NCOA2: variants seen among roughly 807,000 people sequenced by gnomAD.
NCOA2 encodes the protein nuclear receptor coactivator 2, also known as class E basic helix-loop-helix protein 75.
Under a neutral mutation model 145.1 loss-of-function variants are expected in NCOA2, and 21 were observed. That is an observed-to-expected ratio of 0.14 (90% confidence interval 0.10 to 0.21). NCOA2 has a LOEUF of 0.21. Among genes scored for constraint, NCOA2 ranks in the 10% least tolerant of loss-of-function variants. The probability of loss-of-function intolerance (pLI) is 1.00; values close to 1 mark genes in which losing one functional copy is unlikely to be tolerated. For missense variants in NCOA2, 1,472 were observed against 1,837.6 expected, an observed-to-expected ratio of 0.80 and a Z score of 3.64; for synonymous variants, 619 against 637.5, an observed-to-expected ratio of 0.97 and a Z score of 0.44.
At chr8:70,175,868 A>G (rs927755168) in intron 4 of NCOA2, among the ~76,000 whole-genome samples, 2 of 148,894 alleles carry the variant, frequency 1.3e-5, no homozygotes, top group African/African-American at 4.9e-5. Context: ...AACCTTAATA[A>G]TTTTTTTTTT....
At chr8:70,174,559 T>G (rs969810735) in intron 5 of NCOA2, among the ~76,000 whole-genome samples, 197 bp downstream of exon 5, 2 of 152,226 alleles carry the variant, frequency 1.3e-5, no homozygotes, top group African/African-American at 4.8e-5. Context: ...AATTCTATGT[T>G]AATTTCAAAC....
chr8:70,445,751 A>G, the NCOA2 span, among the ~76,000 whole-genome samples: 1 of 152,202 alleles, frequency 6.6e-6, no homozygotes, highest in African/African-American at 2.4e-5. Context: ...TGCCACTGGA[A>G]GACTTTTGTG....
At chr8:70,271,543 A>C (rs1318719018) in intron 2 of NCOA2, among the ~76,000 whole-genome samples, 2 of 152,230 alleles carry the variant, frequency 1.3e-5, no homozygotes, top group Non-Finnish European at 2.9e-5. Flanking sequence ...GTTGTAAATT[A>C]CTGAAAGTTG....
rs372840372 is a variant in NCOA2, at chr8:70,127,592, G to A, written c.3682-545C>T. 9.1e-4 allele frequency among the ~76,000 whole-genome samples: 139 copies of A among 152,218 alleles called. 4 individuals are homozygous for A. The South Asian group carries it at 0.028, about 31-fold the overall frequency. The stretch of plus-strand genomic sequence containing the variant: ...GGGAGGAAAGGCAGGATGGATGAAG[G>A]GAAGGGATCCCAGTGCTTGCTGTCA... On this transcript the variant is annotated intron_variant, in intron 18 of 22. Transcript: ENST00000452400.
At chr8:70,291,776 C>T (rs1202910888) in intron 2 of NCOA2, among the ~76,000 whole-genome samples, 3 of 152,130 alleles carry the variant, frequency 2.0e-5, no homozygotes, top group African/African-American at 4.8e-5. Flanking sequence ...CTGCTTTAAC[C>T]TCGATTCACA....
the NCOA2 span, among the ~76,000 whole-genome samples, chr8:70,447,581 G>GT: frequency 8.2e-5 from 12 of 145,752 alleles, no homozygotes; most frequent in African/African-American, 7.6e-5. Flanking sequence ...TTTGAGACAA[G>GT]TTTTTTTTTT....
intron 1 of NCOA2, among the ~76,000 whole-genome samples, chr8:70,369,580 A>G (rs1333463144): frequency 6.6e-6 from 1 of 152,198 alleles, no homozygotes; most frequent in African/African-American, 2.4e-5. Context: ...TTAAAGATAG[A>G]GCAGAAGGCA....
the NCOA2 span, among the ~76,000 whole-genome samples, chr8:70,448,951 C>T: frequency 6.6e-6 from 1 of 151,784 alleles, no homozygotes; most frequent in Non-Finnish European, 1.5e-5. Context: ...ACACAGGTGC[C>T]GCACCACCAT....
chr8:70,239,026 A>G (rs532721059), intron 2 of NCOA2, among the ~76,000 whole-genome samples: 57 of 152,204 alleles, frequency 3.7e-4, no homozygotes, highest in African/African-American at 1.3e-3. Context: ...TGCTCACATT[A>G]ACCTCTGTAT....
chr8:70,354,404 CAT>C (rs1362747766), intron 1 of NCOA2, among the ~76,000 whole-genome samples: 7 of 152,308 alleles, frequency 4.6e-5, no homozygotes, highest in African/African-American at 1.4e-4. Flanking sequence ...CACCTTCTCA[CAT>C]GATTCCCCCG....
At chr8:70,191,060 C>CTT (rs1816623942) in intron 4 of NCOA2, among the ~76,000 whole-genome samples, 1 of 152,146 alleles carries the variant, frequency 6.6e-6, no homozygotes, top group East Asian at 1.9e-4. Flanking sequence ...TACTGCAGGT[C>CTT]TTTACAAACA....
chr8:70,411,930 C>T, the NCOA2 span, among the ~76,000 whole-genome samples: 2 of 152,170 alleles, frequency 1.3e-5, no homozygotes, highest in African/African-American at 4.8e-5. Context: ...TTTTATGAAA[C>T]ATTTGTGCAC....
At chr8:70,404,765 C>A (rs181973104), upstream of NCOA2, among the ~76,000 whole-genome samples, 366 of 152,160 alleles carry the variant, frequency 2.4e-3, 2 homozygotes, top group African/African-American at 8.3e-3. Flanking sequence ...ACTGAGGGGA[C>A]GTAGGAGATT....
chr8:70,396,322 T>C (rs1476120961), intron 1 of NCOA2, among the ~76,000 whole-genome samples: 1 of 152,250 alleles, frequency 6.6e-6, no homozygotes, highest in Non-Finnish European at 1.5e-5. Flanking sequence ...GAGCTTTATT[T>C]TCTGAGCTTT....
chr8:70,165,791 A>G lies in NCOA2; in HGVS notation c.730+775T>C, dbSNP rs532084959. 2.0e-5 allele frequency among the ~76,000 whole-genome samples: 3 copies of G among 152,220 alleles called. No homozygotes were observed. The South Asian group carries it at 6.2e-4, about 32-fold the overall frequency. On this transcript the variant is annotated intron_variant, in intron 7 of 22. Coordinates refer to ENST00000452400, the MANE Select transcript of NCOA2 (RefSeq NM_006540.4). ...GATTCCATTAACCCCTTGAAAGTAT[A>G]TTTAAAAGGTTGTTTTAACTGTGTG...
the NCOA2 span, among the ~76,000 whole-genome samples, chr8:70,450,573 CTTTTTTTT>C: frequency 2.1e-5 from 2 of 94,652 alleles, no homozygotes; most frequent in African/African-American, 8.7e-5. Flanking sequence ...TCTTTTTATT[CTTTTTTTT>C]TTTTTTTTTT....
At chr8:70,175,390 A>G (rs1011096038) in intron 4 of NCOA2, among the ~76,000 whole-genome samples, 5 of 152,218 alleles carry the variant, frequency 3.3e-5, no homozygotes, top group Admixed American at 6.5e-5. Flanking sequence ...AGTGGACAGG[A>G]AGATTTGGTC....
intron 1 of NCOA2, among the ~76,000 whole-genome samples, chr8:70,321,793 C>T (rs201632026): frequency 0.028 from 2,082 of 73,538 alleles, 33 homozygotes; most frequent in East Asian, 0.067. Flanking sequence ...CAGAATATAC[C>T]TTTTTTTTTT....
the NCOA2 span, among the ~76,000 whole-genome samples, chr8:70,411,354 G>T: frequency 6.6e-6 from 1 of 152,164 alleles, no homozygotes; most frequent in East Asian, 1.9e-4. Context: ...CAGATGGCAT[G>T]AATGTTTATG....
Sources: gnomAD v4.1 joint callset for allele counts (sites outside exome capture counted in the v4.1 genomes callset) on GRCh38, gnomAD v4.1.1 for gene constraint, MANE v1.5 for transcripts, NCBI Gene and HGNC (gene_info 2026-07-23, HGNC 2026-07-21) for gene names.